The following C5 variants were observed in gnomAD, a reference collection of about 807,000 sequenced individuals.
C5 encodes C3 and PZP-like alpha-2-macroglobulin domain-containing protein 4.
A neutral mutation model predicts 218.8 loss-of-function variants in C5; 140 were observed. That is an observed-to-expected ratio of 0.64 (90% confidence interval 0.56 to 0.74). C5 has a LOEUF of 0.74. Ranked by LOEUF, C5 falls within the 30% of genes least tolerant of loss-of-function variation. The pLI, the probability that C5 is intolerant of heterozygous loss-of-function variation, is 0.00. For synonymous variants in C5, 614 were observed against 682.3 expected (o/e 0.90, Z 1.56); for missense variants, 1,700 against 1,969.6 (o/e 0.86, Z 2.59).
chr9:121,052,302 C>A (rs955636952), upstream of C5, among the ~76,000 whole-genome samples: 4 of 151,758 alleles, frequency 2.6e-5, no homozygotes, highest in Admixed American at 1.3e-4. Flanking sequence ...ACTAAAAATA[C>A]AAAAATTAGC....
At chr9:120,973,197 T>C (rs2046927776) in intron 30 of C5, among the ~76,000 whole-genome samples, 1 of 152,182 alleles carries the variant, frequency 6.6e-6, no homozygotes, top group Admixed American at 6.5e-5. Context: ...AGGTTTTACA[T>C]GGAAGCAGCA....
chr9:120,998,110 G>A lies in C5; in HGVS notation c.2563-336C>T, dbSNP rs572150429. 3.7e-3 allele frequency among the ~76,000 whole-genome samples: 562 copies of A among 152,226 alleles called. 2 individuals carry two copies. Among genetic ancestry groups the A allele is most frequent in the Non-Finnish European group, 6.5e-3 (445 of 68,008 alleles). ...GATGCTGTAATCCGTGCCCAGACTC[G>A]AAATACTTTATCTCTAAAAAAGTTG... On this transcript the variant is annotated intron_variant, in intron 20 of 40. Coordinates refer to ENST00000223642, the MANE Select transcript of C5 (RefSeq NM_001735.3).
At chr9:121,051,073 C>A (rs1009737116), upstream of C5, among the ~76,000 whole-genome samples, 6 of 151,260 alleles carry the variant, frequency 4.0e-5, no homozygotes, top group Admixed American at 3.3e-4. Flanking sequence ...CTTCCTATAA[C>A]AATTGAGTCT....
Position 120,963,862 on chromosome 9 carries a change from A to C in C5, c.4221-124T>G, listed in dbSNP as rs1002325564. On this transcript the variant is annotated intron_variant, in intron 33 of 40. Coordinates refer to ENST00000223642, the MANE Select transcript of C5 (RefSeq NM_001735.3). The stretch of plus-strand genomic sequence containing the variant: ...GTCTCCATTTATTTGCTTTTCTACA[A>C]TGTATGGGTTAAAATCTCTGACTTT... 4.0e-5 allele frequency: 28 copies of C among 700,742 alleles called. No homozygotes were observed. In the East Asian group the frequency reaches 7.5e-4, roughly 19 times the overall value. The allele number at this position is 700,742 out of a possible 1,614,324, so 43.4% of individuals were successfully genotyped here. A position where few individuals can be genotyped will look rare whatever the true frequency, so the allele number is the denominator to read the frequency against.
chr9:121,013,320 A>G (rs75295341), intron 17 of C5, among the ~76,000 whole-genome samples: 2 of 117,592 alleles, frequency 1.7e-5, no homozygotes, highest in African/African-American at 5.3e-5. Context: ...TTCCTACTGA[A>G]AAAAAAAAAA....
chr9:120,985,554 A>G (rs1405654437), intron 25 of C5, among the ~76,000 whole-genome samples: 2 of 151,052 alleles, frequency 1.3e-5, no homozygotes, highest in Non-Finnish European at 3.0e-5. Context: ...GTTGTCCATC[A>G]AGATAGGAAT....
In C5 at chr9:120,997,788, G is replaced by A. The variant is rs201051876; in HGVS notation, c.2563-14C>T. On this transcript the variant is annotated splice_polypyrimidine_tract_variant and intron_variant, in intron 20 of 40. Coordinates refer to ENST00000223642, the MANE Select transcript of C5 (RefSeq NM_001735.3). ...TTTAACACAGAACTGAAATACAAGT[G>A]AAGAATTATATCAAAATACATTTTT... The A allele has an allele frequency of 5.9e-4, 946 of 1,599,270 alleles. 5 individuals are homozygous for A. The African/African-American group carries it at 0.011, about 19-fold the overall frequency.
chr9:121,030,494 A>G lies in C5; in HGVS notation c.668-7T>C. On this transcript the variant is annotated splice_region_variant and splice_polypyrimidine_tract_variant and intron_variant, in intron 6 of 40. Coordinates refer to ENST00000223642, the MANE Select transcript of C5 (RefSeq NM_001735.3). ...ACAGAAAAATGTGGCAAGACTGAAA[A>G]TAAAAACAAACAGGTAATATTACCA... The G allele has an allele frequency of 6.6e-7, 1 of 1,508,764 alleles. No homozygotes were observed. Among genetic ancestry groups the G allele is most frequent in the Non-Finnish European group, 9.0e-7 (1 of 1,108,266 alleles). The allele number at this position is 1,508,764 out of a possible 1,614,324, so 93.5% of individuals were successfully genotyped here. A position where few individuals can be genotyped will look rare whatever the true frequency, so the allele number is the denominator to read the frequency against.
Position 121,034,819 on chromosome 9 carries a change from T to C in C5, c.568A>G (p.Ile190Val). Reference protein sequence around the residue: ...IGIISFPDFKIPSNPRYGMWT... With the variant: ...IGIISFPDFKVPSNPRYGMWT... Reference sequence around the variant, plus strand: ...TTTACATACCTAGGATTAGACGGAATCTTGAAGTCAGGAAAAGAGATAATT... The same window carrying C: ...TTTACATACCTAGGATTAGACGGAACCTTGAAGTCAGGAAAAGAGATAATT... The change falls in exon 5 of 41, where the codon ATT (isoleucine) becomes GTT (valine). Residue 190 changes from isoleucine to valine, a missense_variant. Ile to Val is a conservative substitution (Grantham distance 29). Transcript: ENST00000223642. The C allele has an allele frequency of 6.4e-7, 1 of 1,563,012 alleles. No homozygotes were observed. Among genetic ancestry groups the C allele is most frequent in the Non-Finnish European group, 8.8e-7 (1 of 1,134,398 alleles).
intron 20 of C5, among the ~76,000 whole-genome samples, chr9:121,002,264 A>ATGTATATG (rs1409366994): frequency 1.1e-5 from 1 of 93,250 alleles, no homozygotes; most frequent in East Asian, 5.0e-4. Context: ...GTATATATGT[A>ATGTATATG]TATATATGTA....
chr9:121,012,483 C>T (rs1378568637), intron 17 of C5, among the ~76,000 whole-genome samples: 3 of 152,262 alleles, frequency 2.0e-5, no homozygotes, highest in Middle Eastern at 3.4e-3. Flanking sequence ...CATTGCACTC[C>T]AGCCTGGGCA....
the C5 span, among the ~76,000 whole-genome samples, chr9:121,069,119 G>T: frequency 2.0e-5 from 3 of 152,104 alleles, no homozygotes; most frequent in African/African-American, 7.2e-5. Flanking sequence ...CCTCAAAAAT[G>T]CAGGCAACAA....
intron 4 of C5, among the ~76,000 whole-genome samples, chr9:121,036,884 T>G (rs1564162392): frequency 6.6e-6 from 1 of 151,450 alleles, no homozygotes; most frequent in Non-Finnish European, 1.5e-5. Context: ...ATTTTTTGGT[T>G]TTTTTTTTGA....
At chr9:121,071,085 G>A in the C5 span, among the ~76,000 whole-genome samples, 8 of 152,142 alleles carry the variant, frequency 5.3e-5, no homozygotes, top group African/African-American at 1.2e-4. Context: ...CAAGGCAAGC[G>A]GATACTTGAG....
intron 8 of C5, among the ~76,000 whole-genome samples, chr9:121,026,666 CT>C (rs1456982297): frequency 6.6e-6 from 1 of 152,082 alleles, no homozygotes; most frequent in Non-Finnish European, 1.5e-5. Flanking sequence ...AAAATCACCC[CT>C]AGTTGAGAAC....
chr9:121,040,562 T>C (rs1169611127), intron 3 of C5, among the ~76,000 whole-genome samples: 1 of 152,246 alleles, frequency 6.6e-6, no homozygotes, highest in East Asian at 1.9e-4. Context: ...TAATTATTTT[T>C]CTTTTCTGTA....
chr9:120,999,940 T>A (rs1308485749), intron 20 of C5: 2 of 447,504 alleles, frequency 4.5e-6, no homozygotes, highest in Admixed American at 4.8e-5. Context: ...GTGCCTGTAA[T>A]CCCAGCTACT....
At position 121,030,522 on chromosome 9, in the gene C5, T is replaced by C. The variant is rs1305445702; in HGVS notation, c.668-35A>G. ...AAAACAAACAGGTAATATTACCATT[T>C]TGATTAGAGCAGACTTTAAAGCCTA... On this transcript the variant is annotated intron_variant, in intron 6 of 40. Transcript: ENST00000223642. 2.3e-6 allele frequency: 3 copies of C among 1,280,972 alleles called. No individual in the cohort carries two copies. In the Admixed American group the frequency reaches 6.2e-5, roughly 26 times the overall value. 79.4% of individuals were successfully genotyped at this position (1,280,972 alleles called of 1,614,324 possible).
At chr9:121,042,381 T>C (rs1466817597) in intron 3 of C5, among the ~76,000 whole-genome samples, 3 of 152,228 alleles carry the variant, frequency 2.0e-5, no homozygotes, top group African/African-American at 7.2e-5. Context: ...ACAGTAACTT[T>C]CTTAGGTAGA....
Sources: allele counts gnomAD v4.1 joint callset (sites outside exome capture counted in the v4.1 genomes callset), GRCh38; gene constraint gnomAD v4.1.1; transcripts MANE v1.5; gene names NCBI Gene and HGNC (gene_info 2026-07-23, HGNC 2026-07-21).